The following TRDN variants were observed in gnomAD, a reference collection of about 807,000 sequenced individuals.
TRDN encodes the protein triadin, also known as triadin in skeletal muscle.
A neutral mutation model predicts 149.7 loss-of-function variants in TRDN; 161 were observed. The ratio of observed to expected loss-of-function variants is 1.08; its 90% CI spans 0.95 to 1.23. The LOEUF (loss-of-function observed/expected upper bound fraction) is 1.23. TRDN is among the 50% of genes most tolerant of loss of function. The pLI is 0.00. For missense variants in TRDN, 896 were observed against 823.5 expected, an observed-to-expected ratio of 1.09 and a Z score of -1.08; for synonymous variants, 294 against 250.5, an observed-to-expected ratio of 1.17 and a Z score of -1.64.
chr6:123,500,307 G>A (rs189478924), intron 8 of TRDN, among the ~76,000 whole-genome samples: 1 of 152,120 alleles, frequency 6.6e-6, no homozygotes, highest in Middle Eastern at 3.4e-3. Context: ...TTTTAAGTTA[G>A]GATGCCCATT....
chr6:123,481,980 A>G (rs1777770610), intron 9 of TRDN, among the ~76,000 whole-genome samples: 1 of 152,188 alleles, frequency 6.6e-6, no homozygotes, highest in African/African-American at 2.4e-5. Context: ...CACTCTGTTA[A>G]ACTATTTCCA....
intron 20 of TRDN, among the ~76,000 whole-genome samples, chr6:123,361,167 C>T (rs993443832): frequency 6.6e-6 from 1 of 152,092 alleles, no homozygotes; most frequent in African/African-American, 2.4e-5. Context: ...CACTGTCTTC[C>T]ACAATGGTTG....
chr6:123,356,611 T>C (rs1305751521), intron 20 of TRDN, among the ~76,000 whole-genome samples: 1 of 147,176 alleles, frequency 6.8e-6, no homozygotes, highest in Non-Finnish European at 1.5e-5. Flanking sequence ...TGAGAGAATA[T>C]TACCTCTTTT....
intron 4 of TRDN, among the ~76,000 whole-genome samples, chr6:123,534,958 A>C (rs1780449643): frequency 1.3e-5 from 2 of 152,280 alleles, no homozygotes; most frequent in African/African-American, 4.8e-5. Flanking sequence ...AATTAGGTGG[A>C]TGTCCAATGT....
At chr6:123,626,915 T>TTTTAC (rs1273560634) in intron 1 of TRDN, among the ~76,000 whole-genome samples, 1 of 147,780 alleles carries the variant, frequency 6.8e-6, no homozygotes, top group Non-Finnish European at 1.5e-5. Context: ...TTTTTTATTA[T>TTTTAC]TTTATTTTAT....
chr6:123,619,630 A>G (rs1465903360), intron 1 of TRDN, among the ~76,000 whole-genome samples: 2 of 152,204 alleles, frequency 1.3e-5, no homozygotes, highest in Non-Finnish European at 2.9e-5. Flanking sequence ...TCTCAAGAGA[A>G]GAAGAGTCAA....
chr6:123,294,699 C>G (rs886514942), intron 24 of TRDN, among the ~76,000 whole-genome samples: 3 of 152,092 alleles, frequency 2.0e-5, no homozygotes, highest in African/African-American at 7.2e-5. Context: ...TCTGTGCAGG[C>G]CTAACAGGCC....
chr6:123,393,812 CAT>C, intron 12 of TRDN, 135 bp from the exon 13 acceptor site: 1 of 763,182 alleles, frequency 1.3e-6, no homozygotes, highest in Non-Finnish European at 2.1e-6. Flanking sequence ...TTTGTTAAGA[CAT>C]AAACTTATTA....
At chr6:123,448,272 A>C (rs368921016) in intron 10 of TRDN, among the ~76,000 whole-genome samples, 1 of 152,190 alleles carries the variant, frequency 6.6e-6, no homozygotes, top group African/African-American at 2.4e-5. Flanking sequence ...TCTGGTGTGC[A>C]GACTCCACAG....
chr6:123,457,323 T>C (rs1776184990), intron 10 of TRDN, among the ~76,000 whole-genome samples: 2 of 152,228 alleles, frequency 1.3e-5, no homozygotes, highest in South Asian at 2.1e-4. Context: ...GATGCCCCTA[T>C]CTATCTTGGC....
At chr6:123,246,865 C>T (rs1420119367) in intron 38 of TRDN, among the ~76,000 whole-genome samples, 1 of 151,936 alleles carries the variant, frequency 6.6e-6, no homozygotes, top group Non-Finnish European at 1.5e-5. Flanking sequence ...AAAATACTGA[C>T]AAACCGAATC....
At chr6:123,583,932 A>G (rs1783270859) in intron 1 of TRDN, 1 of 266,306 alleles carries the variant, frequency 3.8e-6, no homozygotes, top group Middle Eastern at 1.4e-3. Flanking sequence ...TTGAGGATAG[A>G]TTTCCACGAT....
intron 38 of TRDN, among the ~76,000 whole-genome samples, chr6:123,238,118 A>G (rs1381300592): frequency 6.6e-6 from 1 of 152,206 alleles, no homozygotes; most frequent in East Asian, 1.9e-4. Flanking sequence ...TTTTCTACTA[A>G]CAGAACTCTA....
At chr6:123,456,011 C>T (rs1489780186) in intron 10 of TRDN, among the ~76,000 whole-genome samples, 1 of 152,090 alleles carries the variant, frequency 6.6e-6, no homozygotes, top group Non-Finnish European at 1.5e-5. Flanking sequence ...TTGGTTGCAA[C>T]TCAAAACCAA....
chr6:123,562,845 G>A (rs1782075632), intron 2 of TRDN, among the ~76,000 whole-genome samples: 1 of 152,158 alleles, frequency 6.6e-6, no homozygotes, highest in Admixed American at 6.5e-5. Flanking sequence ...CACTTTTGGT[G>A]AGCTAATTGT....
chr6:123,449,474 G>A (rs1433005840), intron 10 of TRDN, among the ~76,000 whole-genome samples: 1 of 152,072 alleles, frequency 6.6e-6, no homozygotes, highest in East Asian at 1.9e-4. Flanking sequence ...GAAATTCAGA[G>A]CTCTAAGACA....
chr6:123,294,824 C>A (rs1778138293), intron 24 of TRDN, among the ~76,000 whole-genome samples: 1 of 152,166 alleles, frequency 6.6e-6, no homozygotes, highest in South Asian at 2.1e-4. Flanking sequence ...GGCTTCCAAG[C>A]AATTCCATCT....
chr6:123,255,229 T>C (rs1028832712), intron 36 of TRDN, 104 bp from the exon 37 acceptor site: 2 of 494,542 alleles, frequency 4.0e-6, no homozygotes. Context: ...GTGTTATAAA[T>C]ATTTTCTCAA....
At chr6:123,310,989 G>A (rs549476758) in intron 24 of TRDN, among the ~76,000 whole-genome samples, 1 of 152,080 alleles carries the variant, frequency 6.6e-6, no homozygotes, top group South Asian at 2.1e-4. Flanking sequence ...TGAAGGGAAA[G>A]CATAAACACC....
Sources: allele counts gnomAD v4.1 joint callset (sites outside exome capture counted in the v4.1 genomes callset), GRCh38; gene constraint gnomAD v4.1.1; transcripts MANE v1.5; gene names NCBI Gene and HGNC (gene_info 2026-07-23, HGNC 2026-07-21).